The following CNTN1 variants were observed in gnomAD, a reference collection of about 807,000 sequenced individuals.
CNTN1 encodes contactin-1.
Under a neutral mutation model 126.4 loss-of-function variants are expected in CNTN1, and 38 were observed. The ratio of observed to expected loss-of-function variants is 0.30; its 90% CI spans 0.23 to 0.39. The LOEUF is 0.39. Among genes scored for constraint, CNTN1 ranks in the 10% least tolerant of loss-of-function variants. The pLI is 1.00. For synonymous variants in CNTN1, 413 were observed against 422.6 expected, an observed-to-expected ratio of 0.98 and a Z score of 0.28; for missense variants, 1,009 against 1,248.4, an observed-to-expected ratio of 0.81 and a Z score of 2.89.
At chr12:40,712,934 G>C (rs956951307) in intron 1 of CNTN1, among the ~76,000 whole-genome samples, 1 of 152,010 alleles carries the variant, frequency 6.6e-6, no homozygotes, top group Non-Finnish European at 1.5e-5. Flanking sequence ...GTAATCGGGG[G>C]ATGTGAGTTA....
rs897553441 is a variant in CNTN1 at position 41,025,272 on chromosome 12, G to C, written c.2646G>C (p.Gly882=). 2 of 1,613,852 alleles carry C rather than the reference G, an allele frequency of 1.2e-6. No individual in the cohort carries two copies. ...ACACCCAGTATTTTATAGAAGTCGG[G>C]GCCTGCAATAGTGCAGGGTGTGGAC... ...LPDTQYFIEV[G]ACNSAGCGPP... is the part of the protein sequence containing the mutation. Residue 882 remains glycine, a synonymous_variant, in exon 21 of 24, where the codon GGG becomes GGC. Coordinates refer to ENST00000551295, the MANE Select transcript of CNTN1 (RefSeq NM_001843.4).
intron 1 of CNTN1, among the ~76,000 whole-genome samples, chr12:40,822,645 C>A (rs1037541396): frequency 1.3e-5 from 2 of 151,976 alleles, no homozygotes; most frequent in African/African-American, 4.8e-5. Context: ...AACTCAAATT[C>A]TGTCTTATTC....
At position 40,749,788 on chromosome 12, in the gene CNTN1, T is replaced by C. The variant is rs757614351; in HGVS notation, c.-77+57196T>C. On this transcript the variant is annotated intron_variant, in intron 1 of 23. Coordinates refer to ENST00000551295, the MANE Select transcript of CNTN1 (RefSeq NM_001843.4). ...ATTTCATGAAAAGTAAATCTATATG[T>C]CGTGGCAATAGGTGTTGTGCAGGGC... is the stretch of plus-strand genomic sequence containing the variant. Among the ~76,000 whole-genome samples, 16 of 151,730 alleles carry C rather than the reference T, an allele frequency of 1.1e-4. 3 individuals carry two copies. Among genetic ancestry groups the C allele is most frequent in the Non-Finnish European group, 2.4e-4 (16 of 67,892 alleles).
chr12:40,791,228 A>G (rs10879190), intron 1 of CNTN1, among the ~76,000 whole-genome samples: 80,415 of 152,010 alleles, frequency 0.53, 21,595 homozygotes, highest in East Asian at 0.67. Flanking sequence ...CACTTTTAAC[A>G]TGGCATTAGT....
chr12:40,896,590 T>C (rs1266406403), intron 1 of CNTN1, among the ~76,000 whole-genome samples: 1 of 152,218 alleles, frequency 6.6e-6, no homozygotes, highest in Non-Finnish European at 1.5e-5. Context: ...TTGGTTATTG[T>C]GTTCTATTTA....
chr12:40,864,834 C>A (rs1583956), intron 1 of CNTN1, among the ~76,000 whole-genome samples: 53,137 of 151,830 alleles, frequency 0.35, 9,378 homozygotes, highest in Admixed American at 0.41. Context: ...GTTTTTATTT[C>A]TCTCATGCAT....
At chr12:40,747,618 G>T (rs1427319606) in intron 1 of CNTN1, among the ~76,000 whole-genome samples, 1 of 152,036 alleles carries the variant, frequency 6.6e-6, no homozygotes, top group African/African-American at 2.4e-5. Flanking sequence ...TAAAATATCA[G>T]TTTGGCTGCT....
chr12:41,056,792 T>G (rs1949810465), intron 23 of CNTN1, among the ~76,000 whole-genome samples: 1 of 150,926 alleles, frequency 6.6e-6, no homozygotes, highest in African/African-American at 2.4e-5. Flanking sequence ...AACTAACATA[T>G]TTAAAGCACC....
chr12:40,973,847 T>A (rs1947595780), intron 15 of CNTN1, among the ~76,000 whole-genome samples: 1 of 152,168 alleles, frequency 6.6e-6, no homozygotes, highest in Non-Finnish European at 1.5e-5. Flanking sequence ...CTACTTTACA[T>A]CCTGTTTATA....
chr12:40,942,003 A>T (rs11179132), intron 12 of CNTN1, among the ~76,000 whole-genome samples: 32,269 of 152,096 alleles, frequency 0.21, 4,271 homozygotes, highest in Non-Finnish European at 0.3. Flanking sequence ...TATACCCTTT[A>T]AAGATGGTAA....
intron 19 of CNTN1, among the ~76,000 whole-genome samples, chr12:41,018,398 C>T (rs1054850139): frequency 1.3e-5 from 2 of 151,922 alleles, no homozygotes; most frequent in African/African-American, 2.4e-5. Flanking sequence ...GAAATTCTCA[C>T]GTATATTCAT....
chr12:40,958,068 T>A (rs1482277265), intron 14 of CNTN1, among the ~76,000 whole-genome samples: 3 of 152,036 alleles, frequency 2.0e-5, no homozygotes, highest in African/African-American at 7.2e-5. Context: ...GAAAACCAAA[T>A]GTCCATTTAA....
intron 1 of CNTN1, among the ~76,000 whole-genome samples, chr12:40,719,003 G>T (rs1405600414): frequency 1.3e-5 from 2 of 151,908 alleles, no homozygotes; most frequent in African/African-American, 4.8e-5. Flanking sequence ...TGGAGGGGTT[G>T]ATTTTTTTTT....
intron 15 of CNTN1, chr12:40,978,959 ACT>A (rs1184957204): frequency 2.0e-5 from 3 of 152,004 alleles, no homozygotes; most frequent in Non-Finnish European, 4.4e-5. Context: ...TTATTTTAAC[ACT>A]CTGAAATATT....
At chr12:40,754,521 C>T (rs1565688842) in intron 1 of CNTN1, among the ~76,000 whole-genome samples, 2 of 151,470 alleles carry the variant, frequency 1.3e-5, no homozygotes, top group African/African-American at 4.9e-5. Context: ...TTGAAAAATC[C>T]TTTTTTATCC....
At chr12:40,777,911 A>G (rs913644595) in intron 1 of CNTN1, among the ~76,000 whole-genome samples, 2 of 151,840 alleles carry the variant, frequency 1.3e-5, no homozygotes, top group African/African-American at 4.8e-5. Flanking sequence ...AGCAACTTCA[A>G]ATTTACCTGT....
intron 12 of CNTN1, among the ~76,000 whole-genome samples, chr12:40,941,198 T>C (rs1168937723): frequency 6.6e-6 from 1 of 152,212 alleles, no homozygotes; most frequent in African/African-American, 2.4e-5. Context: ...CATTATTTCC[T>C]TGATTAAAGA....
chr12:40,959,087 T>C (rs889379104), intron 14 of CNTN1, 27 bp from the exon 15 acceptor site: 7 of 1,611,588 alleles, frequency 4.3e-6, no homozygotes, highest in Non-Finnish European at 5.9e-6. Context: ...ATGTACTGAT[T>C]TGAATAATTG....
At chr12:40,972,687 T>C (rs1390396457) in intron 15 of CNTN1, 3 of 962,272 alleles carry the variant, frequency 3.1e-6, no homozygotes, top group African/African-American at 1.8e-5. Context: ...AAAGGAGCTA[T>C]CTTAGAACTT....
Sources: gnomAD v4.1 joint callset for allele counts (sites outside exome capture counted in the v4.1 genomes callset) on GRCh38, gnomAD v4.1.1 for gene constraint, MANE v1.5 for transcripts, NCBI Gene and HGNC (gene_info 2026-07-23, HGNC 2026-07-21) for gene names.